Variants in CROT observed in about 807,000 individuals in gnomAD.
CROT encodes the protein carnitine O-octanoyltransferase.
In CROT, 84 loss-of-function variants were observed where a neutral mutation model predicts 89.2. That is an observed-to-expected ratio of 0.94 (90% CI 0.79 to 1.13). The LOEUF (loss-of-function observed/expected upper bound fraction) is 1.13. Ranked by LOEUF, CROT falls within the 50% of genes most tolerant of loss-of-function variation. The probability of loss-of-function intolerance (pLI) is 0.00; values close to 1 mark genes in which losing one functional copy is unlikely to be tolerated. For missense variants in CROT, 711 were observed against 727.8 expected (o/e 0.98, Z 0.27); for synonymous variants, 212 against 239.5 (o/e 0.89, Z 1.06).
In CROT at chr7:87,369,417, C is replaced by G. The variant is rs770540920; in HGVS notation, c.589C>G (p.Arg197Gly). 9 of 1,612,798 alleles carry G rather than the reference C, an allele frequency of 5.6e-6. No individual in the cohort carries two copies. Among genetic ancestry groups the G allele is most frequent in the Non-Finnish European group, 6.8e-6 (8 of 1,179,430 alleles). The change falls in exon 7 of 18, where the codon CGA becomes GGA. Residue 197 changes from arginine to glycine, a missense_variant. By Grantham distance (125) the Arg-to-Gly change is moderately radical. Coordinates refer to ENST00000331536, the MANE Select transcript of CROT (RefSeq NM_021151.4). Reference sequence around the variant, plus strand: ...CCCAAACCACATTGTAGTGCTGTGTCGAGGCCGAGCTTTTGTCTTTGATGT... The same window carrying G: ...CCCAAACCACATTGTAGTGCTGTGTGGAGGCCGAGCTTTTGTCTTTGATGT... ...RSPNHIVVLCRGRAFVFDVIH... is the reference protein window; with the variant it reads ...RSPNHIVVLCGGRAFVFDVIH...
At position 87,361,725 on chromosome 7, in the gene CROT, T is replaced by C; in HGVS notation, c.423-3T>C. 1 of 1,570,232 alleles carries C rather than the reference T, an allele frequency of 6.4e-7. No homozygotes were observed. Among genetic ancestry groups the C allele is most frequent in the Non-Finnish European group, 8.6e-7 (1 of 1,164,018 alleles). On this transcript the variant is annotated splice_polypyrimidine_tract_variant and splice_region_variant and intron_variant, in intron 5 of 17. Coordinates refer to ENST00000331536, the MANE Select transcript of CROT (RefSeq NM_021151.4). The stretch of plus-strand genomic sequence containing the variant: ...TTTTTGATCAAAATCCTTTTTTTAA[T>C]AGAGAAAAAGTGCCTGTTCATAAAG...
At chr7:87,364,403 T>G (rs553956274) in intron 6 of CROT, among the ~76,000 whole-genome samples, 1 of 151,898 alleles carries the variant, frequency 6.6e-6, no homozygotes, top group Non-Finnish European at 1.5e-5. Flanking sequence ...GAGAAGGAAG[T>G]GTTTAATGCT....
chr7:87,363,979 G>T (rs1376559858), intron 6 of CROT, among the ~76,000 whole-genome samples: 6 of 152,198 alleles, frequency 3.9e-5, no homozygotes, highest in African/African-American at 1.2e-4. Flanking sequence ...AACATATTTG[G>T]CTTGAGCAGC....
Position 87,348,987 on chromosome 7 carries a change from C to T in CROT, c.-21-61C>T. On this transcript the variant is annotated intron_variant, in intron 2 of 17. Transcript: ENST00000331536. The stretch of plus-strand genomic sequence containing the variant: ...TGGTTTAGTGAATTGTGAATTGTAC[C>T]TAGGATACGTAACACTATCTATGAG... The T allele has an allele frequency of 7.6e-6, 5 of 658,966 alleles. No homozygotes were observed. In the South Asian group the frequency reaches 9.2e-5, roughly 12 times the overall value. The allele number at this position is 658,966 out of a possible 1,614,324, so 40.8% of individuals were successfully genotyped here.
In CROT at chr7:87,345,761, C is replaced by G. The variant is rs1223144699; in HGVS notation, c.-119C>G. On this transcript the variant is annotated 5_prime_UTR_variant, in exon 1 of 18. Coordinates refer to ENST00000331536, the MANE Select transcript of CROT (RefSeq NM_021151.4). ...GGCGGCGAGGCGCGGGCGGTGAGGA[C>G]GGACAGGTCCGTTGAAGCAGCATTC... 3.3e-6 allele frequency: 1 copy of G among 303,658 alleles called. No individual in the cohort carries two copies. Among genetic ancestry groups the G allele is most frequent in the Non-Finnish European group, 6.0e-6 (1 of 166,400 alleles). The allele number at this position is 303,658 out of a possible 1,614,324, so 18.8% of individuals were successfully genotyped here. A position where few individuals can be genotyped will look rare whatever the true frequency, so the allele number is the denominator to read the frequency against.
At chr7:87,358,127 G>A (rs1806144889) in intron 3 of CROT, among the ~76,000 whole-genome samples, 1 of 152,096 alleles carries the variant, frequency 6.6e-6, no homozygotes, top group African/African-American at 2.4e-5. Context: ...TTGTAATAAA[G>A]TATAGGTGAC....
At chr7:87,383,826 A>G (rs1227515561) in intron 13 of CROT, among the ~76,000 whole-genome samples, 1 of 152,120 alleles carries the variant, frequency 6.6e-6, no homozygotes, top group Non-Finnish European at 1.5e-5. Flanking sequence ...CATCTGCTGG[A>G]CACTTAGGTT....
At chr7:87,362,954 G>A (rs1806330348) in intron 6 of CROT, among the ~76,000 whole-genome samples, 1 of 152,000 alleles carries the variant, frequency 6.6e-6, no homozygotes, top group Non-Finnish European at 1.5e-5. Context: ...TGTTACCAGT[G>A]AAACAATTAA....
At chr7:87,361,931 C>A in intron 6 of CROT, 79 bp downstream of exon 6, 5 of 1,268,732 alleles carry the variant, frequency 3.9e-6, no homozygotes, top group Non-Finnish European at 5.4e-6. Flanking sequence ...GGAACATACA[C>A]TTTTGAAGAA....
At chr7:87,367,908 C>G (rs549905046) in intron 6 of CROT, among the ~76,000 whole-genome samples, 11 of 152,344 alleles carry the variant, frequency 7.2e-5, no homozygotes, top group Middle Eastern at 6.8e-3. Flanking sequence ...GGCATACCTT[C>G]TCTTCACCCT....
At chr7:87,348,951 T>C (rs1013293657) in intron 2 of CROT, 97 bp from the exon 3 acceptor site, 3 of 512,384 alleles carry the variant, frequency 5.9e-6, no homozygotes, top group African/African-American at 3.9e-5. Flanking sequence ...TATGCTGTGG[T>C]CCCTAAATAC....
At chr7:87,372,007 CA>C (rs61300907) in intron 7 of CROT, among the ~76,000 whole-genome samples, 62,646 of 122,980 alleles carry the variant, frequency 0.51, 14,311 homozygotes, top group Middle Eastern at 0.6. Flanking sequence ...AAAAAAAAAA[CA>C]AAAAAAAAAA....
Position 87,375,847 on chromosome 7 carries a change from G to A in CROT, c.770G>A (p.Gly257Asp), listed in dbSNP as rs1806794949. The change falls in exon 9 of 18, where the codon GGT becomes GAT. Residue 257 changes from glycine (G) to aspartate (D), a missense_variant. Transcript: ENST00000331536. ...CTTTAGGCACGAGAATATCTGATTG[G>A]TCTTGATCCAGAGAACTTGGCTTTG... The part of the protein sequence containing the change: ...RWAKAREYLI[G>D]LDPENLALLE... The A allele has an allele frequency of 1.2e-6, 2 of 1,613,368 alleles. No individual in the cohort carries two copies. Among genetic ancestry groups the A allele is most frequent in the Non-Finnish European group, 1.7e-6 (2 of 1,179,618 alleles).
At position 87,399,728 on chromosome 7, in the gene CROT, CA is replaced by C. The variant is rs1807697637; in HGVS notation, c.*1090del. ...TGTTCAATTTTGTAGTTTTTACTCT[CA>C]AAAAATGAAATTCTCAAAATTATAT... On this transcript the variant is annotated 3_prime_UTR_variant, in exon 18 of 18. Transcript: ENST00000331536. 6.6e-6 allele frequency: 1 copy of C among 152,082 alleles called. No homozygotes were observed. The allele number at this position is 152,082 out of a possible 1,614,324, so 9.4% of individuals were successfully genotyped here.
In CROT at chr7:87,369,473, A is replaced by G. The variant is rs1806556740; in HGVS notation, c.645A>G (p.Pro215=). 1.4e-5 allele frequency: 22 copies of G among 1,610,330 alleles called. No homozygotes were observed. The highest frequency in any genetic ancestry group is 1.8e-5 in the Non-Finnish European group (21 of 1,177,750). ...VIHEGCLVTP[P]ELLRQLTYIH... ...ATGAAGGATGTTTGGTCACCCCGCC[A>G]GAGCTTCTCAGGTTTTCAGACTACT... Residue 215 remains proline, a synonymous_variant, in exon 7 of 18, where the codon CCA becomes CCG. Coordinates refer to ENST00000331536, the MANE Select transcript of CROT (RefSeq NM_021151.4).
At chr7:87,376,627 A>G (rs1175482086) in intron 9 of CROT, among the ~76,000 whole-genome samples, 1 of 151,128 alleles carries the variant, frequency 6.6e-6, no homozygotes, top group Non-Finnish European at 1.5e-5. Context: ...TGTAGCAAGG[A>G]GAGAGATTTT....
intron 6 of CROT, among the ~76,000 whole-genome samples, chr7:87,368,653 G>A (rs1341653037): frequency 6.6e-6 from 1 of 152,158 alleles, no homozygotes; most frequent in Non-Finnish European, 1.5e-5. Flanking sequence ...CCTTCAAGCG[G>A]CAGTGTATGT....
At position 87,361,544 on chromosome 7, in the gene CROT, A is replaced by C; in HGVS notation, c.395A>C (p.Asn132Thr). The change falls in exon 5 of 18, where the codon AAC becomes ACC. Residue 132 changes from asparagine to threonine, a missense_variant. Physicochemically the swap from Asn to Thr is moderately conservative, Grantham distance 65. Transcript: ENST00000331536. Reference protein sequence around the residue: ...LERGSITLWHNLNYWQLLRKE... With the variant: ...LERGSITLWHTLNYWQLLRKE... ...AGAGGAAGTATAACTCTTTGGCATAACTTGAACTACTGGCAGCTATTAAGA... is the reference window on the plus strand; with the variant it reads ...AGAGGAAGTATAACTCTTTGGCATACCTTGAACTACTGGCAGCTATTAAGA... 6.3e-7 allele frequency: 1 copy of C among 1,598,948 alleles called. No homozygotes were observed. The highest frequency in any genetic ancestry group is 1.1e-5 in the South Asian group (1 of 88,662).
At chr7:87,356,618 C>T (rs892687793) in intron 3 of CROT, among the ~76,000 whole-genome samples, 11 of 152,132 alleles carry the variant, frequency 7.2e-5, no homozygotes, top group Non-Finnish European at 1.5e-5. Context: ...CAGGCTGAAG[C>T]TTCAGATAAG....
Sources: gnomAD v4.1 joint callset for allele counts (sites outside exome capture counted in the v4.1 genomes callset) on GRCh38, gnomAD v4.1.1 for gene constraint, MANE v1.5 for transcripts, NCBI Gene and HGNC (gene_info 2026-07-23, HGNC 2026-07-21) for gene names.